NT5DC3: variants seen among roughly 807,000 people sequenced by gnomAD.
The protein encoded by NT5DC3 is 5'-nucleotidase domain-containing protein 3.
Under a neutral mutation model 67.8 loss-of-function variants are expected in NT5DC3, and 42 were observed. That is an observed-to-expected ratio of 0.62 (90% CI 0.48 to 0.80). NT5DC3 has a LOEUF of 0.80. Among genes scored for constraint, NT5DC3 ranks in the 30% least tolerant of loss-of-function variants. The probability of loss-of-function intolerance (pLI) is 0.00; values close to 1 mark genes in which losing one functional copy is unlikely to be tolerated. For synonymous variants in NT5DC3, 237 were observed against 255.6 expected (o/e 0.93, Z 0.69); for missense variants, 570 against 696.4 (o/e 0.82, Z 2.04).
chr12:103,755,760 G>T, the NT5DC3 span: 1 of 1,601,820 alleles, frequency 6.2e-7, no homozygotes, highest in Non-Finnish European at 8.6e-7. Flanking sequence ...GCAGGGAGGG[G>T]TTGCCTCAAA....
chr12:103,790,953 T>A lies in NT5DC3; in HGVS notation c.1020-2034A>T, dbSNP rs990131487. Among the ~76,000 whole-genome samples, 6 of 152,220 alleles carry A rather than the reference T, an allele frequency of 3.9e-5. No homozygotes were observed. The South Asian group carries it at 1.0e-3, about 26-fold the overall frequency. ...ATCCGCCCGCCTCAGCCTCCCAAAG[T>A]GCTGGGATTATAGGCGTGAGCCACC... On this transcript the variant is annotated intron_variant, in intron 9 of 13. Transcript: ENST00000392876.
At chr12:103,806,821 T>C in intron 3 of NT5DC3, 34 bp downstream of exon 3, 6 of 1,320,284 alleles carry the variant, frequency 4.5e-6, no homozygotes, top group Non-Finnish European at 5.5e-6. Context: ...CCAAACATCA[T>C]TAAACCATAG....
At chr12:103,827,909 G>A (rs1300497711) in intron 1 of NT5DC3, among the ~76,000 whole-genome samples, 1 of 152,108 alleles carries the variant, frequency 6.6e-6, no homozygotes, top group Non-Finnish European at 1.5e-5. Context: ...ATACAAGAAG[G>A]ACAAAGTCAG....
At chr12:103,753,373 A>T in the NT5DC3 span, 77 of 1,614,098 alleles carry the variant, frequency 4.8e-5, no homozygotes, top group South Asian at 8.3e-4. Flanking sequence ...CAGTTAGCAG[A>T]TTCTGTGCAG....
At position 103,818,772 on chromosome 12, in the gene NT5DC3, C is replaced by G. The variant is rs182583891; in HGVS notation, c.209-3651G>C. On this transcript the variant is annotated intron_variant, in intron 1 of 13. Transcript: ENST00000392876. ...GTCAGGTAGTTCACAAGAACTGGTT[C>G]TAGGGAAGAGGAGAAGCTGGCAGAC... 2.4e-3 allele frequency among the ~76,000 whole-genome samples: 361 copies of G among 152,254 alleles called. 1 individual carries two copies. The highest frequency in any genetic ancestry group is 8.2e-3 in the African/African-American group (339 of 41,548).
chr12:103,800,711 C>T (rs751533432), intron 4 of NT5DC3, among the ~76,000 whole-genome samples: 9 of 152,222 alleles, frequency 5.9e-5, no homozygotes, highest in African/African-American at 2.2e-4. Flanking sequence ...CCTCAACCAG[C>T]GTTGAAATCG....
At position 103,777,741 on chromosome 12, in the gene NT5DC3, C is replaced by G; in HGVS notation, c.*88G>C. On this transcript the variant is annotated 3_prime_UTR_variant, in exon 14 of 14. Coordinates refer to ENST00000392876, the MANE Select transcript of NT5DC3 (RefSeq NM_001031701.3). Reference sequence around the variant, plus strand: ...ATCAAAAGGCTTATCTGTATCTTTTCCAAAAGCAACACTCAGACCCACATG... The same window carrying G: ...ATCAAAAGGCTTATCTGTATCTTTTGCAAAAGCAACACTCAGACCCACATG... 7.1e-7 allele frequency: 1 copy of G among 1,403,818 alleles called. No individual in the cohort carries two copies. The highest frequency in any genetic ancestry group is 9.7e-7 in the Non-Finnish European group (1 of 1,030,790). The allele number at this position is 1,403,818 out of a possible 1,614,324, so 87.0% of individuals were successfully genotyped here.
At chr12:103,763,669 T>C in the NT5DC3 span, 1 of 1,445,564 alleles carries the variant, frequency 6.9e-7, no homozygotes, top group Non-Finnish European at 9.6e-7. Context: ...TGATGTCTTT[T>C]AGGAAATTTC....
At chr12:103,830,754 A>C (rs1291639761) in intron 1 of NT5DC3, among the ~76,000 whole-genome samples, 8 of 152,120 alleles carry the variant, frequency 5.3e-5, no homozygotes, top group African/African-American at 1.9e-4. Context: ...TAGTAGTTTC[A>C]TATTCTTTGC....
At chr12:103,746,696 C>T in the NT5DC3 span, 1 of 1,613,770 alleles carries the variant, frequency 6.2e-7, no homozygotes, top group Non-Finnish European at 8.5e-7. Context: ...GACGGAATCA[C>T]ATGCACAGGT....
rs1885342371 is a variant in NT5DC3, at chr12:103,776,500, A to C, written c.*1329T>G. 1.3e-5 allele frequency: 2 copies of C among 152,270 alleles called. No homozygotes were observed. Among genetic ancestry groups the C allele is most frequent in the Admixed American group, 6.5e-5 (1 of 15,276 alleles). 9.4% of individuals were successfully genotyped at this position (152,270 alleles called of 1,614,324 possible). On this transcript the variant is annotated 3_prime_UTR_variant, in exon 14 of 14. Transcript: ENST00000392876. Reference sequence around the variant, plus strand: ...AACCCGGGAGGCAGAGGTTGCAGTGAGCTGAGATTGTGCCACTGCACTCCA... The same window carrying C: ...AACCCGGGAGGCAGAGGTTGCAGTGCGCTGAGATTGTGCCACTGCACTCCA...
intron 5 of NT5DC3, among the ~76,000 whole-genome samples, chr12:103,797,407 T>C (rs1593401797): frequency 6.6e-6 from 1 of 150,670 alleles, no homozygotes; most frequent in African/African-American, 2.4e-5. Context: ...GAGGTGGAGG[T>C]TGCAATGAGC....
At chr12:103,758,181 C>G in the NT5DC3 span, 4 of 1,614,114 alleles carry the variant, frequency 2.5e-6, no homozygotes, top group Non-Finnish European at 3.4e-6. Flanking sequence ...AAGTGCTGGC[C>G]TATTCCAACA....
chr12:103,749,872 A>AAAAAG, the NT5DC3 span, among the ~76,000 whole-genome samples: 2 of 131,572 alleles, frequency 1.5e-5, no homozygotes, highest in African/African-American at 2.9e-5. Flanking sequence ...AAAAAAAAAA[A>AAAAAG]GCTGGTAAGA....
In NT5DC3 at chr12:103,798,588, T is replaced by A. The variant is rs761440502; in HGVS notation, c.614A>T (p.Lys205Met). 1.2e-6 allele frequency: 2 copies of A among 1,609,074 alleles called. No individual in the cohort carries two copies. The highest frequency in any genetic ancestry group is 1.3e-5 in the African/African-American group (1 of 74,854). Residue 205 changes from lysine to methionine, a missense_variant and splice_region_variant, in exon 5 of 14, where the codon AAG becomes ATG. By Grantham distance (95) the Lys-to-Met change is moderately conservative. Coordinates refer to ENST00000392876, the MANE Select transcript of NT5DC3 (RefSeq NM_001031701.3). ...PLEQMSDFYG[K>M]SSHGNTMKQF... is the part of the protein sequence containing the mutation. ...AATGAATAAAGTGCTTCTCATTACC[T>A]TTCCGTAAAAGTCACTCATCTGCTC...
intron 10 of NT5DC3, among the ~76,000 whole-genome samples, chr12:103,788,162 CTAGGTG>C (rs1250066024): frequency 2.0e-5 from 3 of 152,118 alleles, no homozygotes; most frequent in Non-Finnish European, 4.4e-5. Context: ...TGTGCACAGG[CTAGGTG>C]TGATGGTTAT....
chr12:103,815,175 T>C lies in NT5DC3; in HGVS notation c.209-54A>G, dbSNP rs1020249005. ...ACTACATAATAAATAAGGGTTAGTA[T>C]GATTCCTAAAGAAAAAAAATGAGTA... On this transcript the variant is annotated intron_variant, in intron 1 of 13. Coordinates refer to ENST00000392876, the MANE Select transcript of NT5DC3 (RefSeq NM_001031701.3). 32 of 1,194,594 alleles carry C rather than the reference T, an allele frequency of 2.7e-5. 1 individual carries two copies. In the Admixed American group the frequency reaches 8.9e-4, roughly 33 times the overall value. 74.0% of individuals were successfully genotyped at this position (1,194,594 alleles called of 1,614,324 possible).
Position 103,793,192 on chromosome 12 carries a change from T to G in NT5DC3, c.991A>C (p.Lys331Gln). The G allele has an allele frequency of 6.2e-7, 1 of 1,606,118 alleles. No homozygotes were observed. Residue 331 changes from lysine (K) to glutamine (Q), a missense_variant, in exon 9 of 14, where the codon AAG becomes CAG. Lys to Gln is a moderately conservative substitution (Grantham distance 53). Transcript: ENST00000392876. ...CGCTTATCATTAAAGAAGTTTGGCT[T>G]CTCAGCCTGAACAATGACCACATCG... The part of the protein sequence containing the change: ...LFDVVIVQAE[K>Q]PNFFNDKRRP...
At chr12:103,792,431 G>A (rs1422277011) in intron 9 of NT5DC3, among the ~76,000 whole-genome samples, 1 of 152,122 alleles carries the variant, frequency 6.6e-6, no homozygotes, top group Admixed American at 6.5e-5. Flanking sequence ...ATAAACATGG[G>A]GGTAAAAGTG....
Sources: allele counts gnomAD v4.1 joint callset (sites outside exome capture counted in the v4.1 genomes callset), GRCh38; gene constraint gnomAD v4.1.1; transcripts MANE v1.5; gene names NCBI Gene and HGNC (gene_info 2026-07-23, HGNC 2026-07-21).